ZNF343: variants seen among roughly 807,000 people sequenced by gnomAD.
ZNF343 encodes zinc finger protein 343.
In ZNF343, 11 loss-of-function variants were observed where a neutral mutation model predicts 13.8. That is an observed-to-expected ratio of 0.80 (90% CI 0.50 to 1.32). ZNF343 has a LOEUF of 1.32. ZNF343 is among the 40% of genes most tolerant of loss of function. ZNF343 has a pLI of 0.00. For synonymous variants in ZNF343, 248 were observed against 260.0 expected (o/e 0.95, Z 0.44); for missense variants, 658 against 714.2 (o/e 0.92, Z 0.90).
intron 5 of ZNF343, among the ~76,000 whole-genome samples, chr20:2,487,660 A>G (rs996762708): frequency 2.0e-5 from 3 of 152,228 alleles, no homozygotes; most frequent in African/African-American, 7.2e-5. Flanking sequence ...ATATCTTTGG[A>G]GATGAATCTT....
intron 5 of ZNF343, among the ~76,000 whole-genome samples, chr20:2,491,253 C>A (rs1600044966): frequency 6.6e-6 from 1 of 152,052 alleles, no homozygotes; most frequent in African/African-American, 2.4e-5. Flanking sequence ...TAAAATACAA[C>A]CAGGTTTCAA....
intron 1 of ZNF343, among the ~76,000 whole-genome samples, chr20:2,523,740 G>A (rs191715987): frequency 6.6e-5 from 9 of 137,218 alleles, no homozygotes; most frequent in African/African-American, 2.2e-4. Flanking sequence ...GGATGCAATG[G>A]TGCGATCTTG....
rs6114607 is a variant in ZNF343, at chr20:2,500,665, A to G, written c.-159T>C. ...GGTAAGTGGTACCTACCTGATAGGA[A>G]GTTCTCGGGAGCACAGAAGTCTTTC... is the stretch of plus-strand genomic sequence containing the variant. On this transcript the variant is annotated 5_prime_UTR_variant, in exon 2 of 6. Transcript: ENST00000278772. The G allele has an allele frequency of 0.17, 25,872 of 152,184 alleles. 2,934 individuals are homozygous for G. Among genetic ancestry groups the G allele is most frequent in the African/African-American group, 0.32 (13,264 of 41,466 alleles). The allele number at this position is 152,184 out of a possible 1,614,324, so 9.4% of individuals were successfully genotyped here.
In ZNF343 at chr20:2,491,738, C is replaced by T. The variant is rs982509040; in HGVS notation, c.304+961G>A. 5.3e-5 allele frequency: 8 copies of T among 152,314 alleles called. No individual in the cohort carries two copies. The Middle Eastern group carries it at 0.01, about 194-fold the overall frequency. The allele number at this position is 152,314 out of a possible 1,614,324, so 9.4% of individuals were successfully genotyped here. On this transcript the variant is annotated intron_variant, in intron 5 of 5. Transcript: ENST00000278772. ...GCAAGTTAAGGGTTGTTACAGAGGG[C>T]TTATCACCTGTAAAAACAGTTATTG...
At chr20:2,489,876 G>A (rs575220935) in intron 5 of ZNF343, among the ~76,000 whole-genome samples, 5 of 152,088 alleles carry the variant, frequency 3.3e-5, no homozygotes, top group East Asian at 1.9e-4. Flanking sequence ...GACTCGGGCC[G>A]GGCTATGGCT....
upstream of ZNF343, among the ~76,000 whole-genome samples, chr20:2,512,649 A>G (rs1334660734): frequency 6.6e-6 from 1 of 152,210 alleles, no homozygotes; most frequent in Non-Finnish European, 1.5e-5. Context: ...CTCCCACTGT[A>G]TACAAAAATT....
chr20:2,506,807 A>G (rs7273528), intron 1 of ZNF343, among the ~76,000 whole-genome samples: 38,615 of 151,924 alleles, frequency 0.25, 5,983 homozygotes, highest in Non-Finnish European at 0.35. Flanking sequence ...GGGTGAGGGG[A>G]GCGGGGAGGG....
At chr20:2,523,544 A>G (rs2085791482) in intron 1 of ZNF343, among the ~76,000 whole-genome samples, 1 of 152,158 alleles carries the variant, frequency 6.6e-6, no homozygotes, top group Non-Finnish European at 1.5e-5. Context: ...GGAAATATTC[A>G]CAATCTTCTC....
At chr20:2,506,424 A>G (rs1176994686) in intron 1 of ZNF343, among the ~76,000 whole-genome samples, 1 of 151,942 alleles carries the variant, frequency 6.6e-6, no homozygotes, top group African/African-American at 2.4e-5. Flanking sequence ...ATACCATTTG[A>G]CCCAGCCATC....
chr20:2,493,295 G>T (rs940864562), intron 4 of ZNF343, among the ~76,000 whole-genome samples: 6 of 151,934 alleles, frequency 3.9e-5, no homozygotes, highest in Non-Finnish European at 8.8e-5. Context: ...GAACAGATGG[G>T]GTCTGGAATG....
At chr20:2,485,598 G>A (rs935197567) in intron 5 of ZNF343, among the ~76,000 whole-genome samples, 1 of 152,130 alleles carries the variant, frequency 6.6e-6, no homozygotes, top group Admixed American at 6.5e-5. Context: ...TCATGAAACT[G>A]CTCCCTAACA....
intron 1 of ZNF343, among the ~76,000 whole-genome samples, chr20:2,503,781 A>C (rs2085609510): frequency 1.3e-5 from 2 of 152,332 alleles, no homozygotes; most frequent in African/African-American, 4.8e-5. Context: ...GACACAACAT[A>C]ACAGAATCTC....
chr20:2,512,427 C>T (rs2122750976), upstream of ZNF343, among the ~76,000 whole-genome samples: 1 of 152,250 alleles, frequency 6.6e-6, no homozygotes, highest in South Asian at 2.1e-4. Flanking sequence ...TAATACAAAG[C>T]TTCAGTAATT....
At chr20:2,485,006 T>C (rs952760385) in intron 5 of ZNF343, among the ~76,000 whole-genome samples, 3 of 152,098 alleles carry the variant, frequency 2.0e-5, no homozygotes, top group Admixed American at 6.5e-5. Context: ...CTATGACACA[T>C]GTGGAAATCT....
intron 5 of ZNF343, among the ~76,000 whole-genome samples, chr20:2,486,466 T>C (rs976130042): frequency 1.3e-5 from 2 of 152,224 alleles, no homozygotes; most frequent in African/African-American, 2.4e-5. Context: ...ATTTACTCAT[T>C]TGCTTAATCT....
At chr20:2,497,733 GATCACA>G in intron 2 of ZNF343, among the ~76,000 whole-genome samples, 1 of 152,258 alleles carries the variant, frequency 6.6e-6, no homozygotes, top group African/African-American at 2.4e-5. Flanking sequence ...TGAAGGGAGA[GATCACA>G]CTCAAAAGTA....
chr20:2,493,356 C>G (rs996131937), intron 4 of ZNF343, among the ~76,000 whole-genome samples, 163 bp downstream of exon 4: 1 of 152,132 alleles, frequency 6.6e-6, no homozygotes, highest in African/African-American at 2.4e-5. Context: ...AAATCCCTGT[C>G]TTTGCTATGT....
upstream of ZNF343, among the ~76,000 whole-genome samples, chr20:2,509,876 C>A (rs548845648): frequency 3.3e-5 from 5 of 152,196 alleles, no homozygotes; most frequent in South Asian, 1.0e-3. Flanking sequence ...GGAGTATTTC[C>A]ATGAGAAATC....
At chr20:2,524,145 C>A (rs916319685) in intron 1 of ZNF343, among the ~76,000 whole-genome samples, 1 of 151,986 alleles carries the variant, frequency 6.6e-6, no homozygotes, top group Non-Finnish European at 1.5e-5. Context: ...CATAGTAAGA[C>A]CCTGTCTCTC....
Sources: gnomAD v4.1 joint callset for allele counts (sites outside exome capture counted in the v4.1 genomes callset) on GRCh38, gnomAD v4.1.1 for gene constraint, MANE v1.5 for transcripts, NCBI Gene and HGNC (gene_info 2026-07-23, HGNC 2026-07-21) for gene names.